CDKAL1: variants seen among roughly 807,000 people sequenced by gnomAD.
CDKAL1 encodes CDKAL1 threonylcarbamoyladenosine tRNA methylthiotransferase.
CDKAL1 carries 32 observed loss-of-function variants against 68.2 expected under a neutral mutation model. That is an observed-to-expected ratio of 0.47 (90% CI 0.35 to 0.63). CDKAL1 has a LOEUF of 0.63. Ranked by LOEUF, CDKAL1 falls within the 30% of genes least tolerant of loss-of-function variation. The pLI is 0.00. For missense variants in CDKAL1, 606 were observed against 696.7 expected (o/e 0.87, Z 1.47); for synonymous variants, 234 against 244.3 (o/e 0.96, Z 0.39).
chr6:21,207,925 G>C (rs1779001656), intron 15 of CDKAL1, among the ~76,000 whole-genome samples: 1 of 152,080 alleles, frequency 6.6e-6, no homozygotes, highest in Non-Finnish European at 1.5e-5. Context: ...TCCTCCATGA[G>C]AATGACAAAT....
chr6:21,098,838 G>A (rs1773445836), intron 12 of CDKAL1, among the ~76,000 whole-genome samples: 1 of 152,120 alleles, frequency 6.6e-6, no homozygotes, highest in Non-Finnish European at 1.5e-5. Flanking sequence ...GCAAGATGTA[G>A]AGTCAGAAAA....
chr6:20,676,642 G>A lies in CDKAL1; in HGVS notation c.371+27265G>A, dbSNP rs1770116548. Among the ~76,000 whole-genome samples, 3 of 150,792 alleles carry A rather than the reference G, an allele frequency of 2.0e-5. No homozygotes were observed. In the South Asian group the frequency reaches 6.3e-4, roughly 32 times the overall value. On this transcript the variant is annotated intron_variant, in intron 5 of 15. Transcript: ENST00000274695. ...AGATTGCGCCACTGCACTCCAGCCTGGGTGACAGAGCGAGACTCTGTCTTA... is the reference window on the plus strand; with the variant it reads ...AGATTGCGCCACTGCACTCCAGCCTAGGTGACAGAGCGAGACTCTGTCTTA...
intron 5 of CDKAL1, chr6:20,722,551 G>A: frequency 3.2e-6 from 1 of 316,964 alleles, no homozygotes; most frequent in Non-Finnish European, 6.0e-6. Flanking sequence ...TGCTTACCCT[G>A]GGCACACATA....
At chr6:20,896,935 T>A (rs1761719309) in intron 9 of CDKAL1, among the ~76,000 whole-genome samples, 1 of 152,208 alleles carries the variant, frequency 6.6e-6, no homozygotes, top group Admixed American at 6.5e-5. Flanking sequence ...CAGAAATTAT[T>A]TTCTACTTGG....
chr6:21,009,496 C>T (rs1171282565), intron 11 of CDKAL1, among the ~76,000 whole-genome samples: 1 of 152,144 alleles, frequency 6.6e-6, no homozygotes, highest in Non-Finnish European at 1.5e-5. Flanking sequence ...AGCAGTCCCA[C>T]TACTAGCTGT....
At chr6:20,642,977 T>G (rs1768259864) in intron 4 of CDKAL1, among the ~76,000 whole-genome samples, 1 of 152,106 alleles carries the variant, frequency 6.6e-6, no homozygotes. Flanking sequence ...GAAATCTAGA[T>G]TCCATCTGTC....
At chr6:21,211,608 A>G (rs182538653) in intron 15 of CDKAL1, among the ~76,000 whole-genome samples, 23 of 152,298 alleles carry the variant, frequency 1.5e-4, no homozygotes, top group Non-Finnish European at 2.8e-4. Flanking sequence ...GGAGTGGCAC[A>G]TGGTATTTGT....
At position 21,011,007 on chromosome 6, in the gene CDKAL1, G is replaced by A. The variant is rs569599086; in HGVS notation, c.1055+10635G>A. Among the ~76,000 whole-genome samples, 21 of 150,338 alleles carry A rather than the reference G, an allele frequency of 1.4e-4. No individual in the cohort carries two copies. The East Asian group carries it at 3.4e-3, about 24-fold the overall frequency. On this transcript the variant is annotated intron_variant, in intron 11 of 15. Coordinates refer to ENST00000274695, the MANE Select transcript of CDKAL1 (RefSeq NM_017774.3). The stretch of plus-strand genomic sequence containing the variant: ...TGAGGCAGGAGAATGGTGTGAACCC[G>A]GGAGGTGGAGCTTGCAGTTAGCCGA...
intron 4 of CDKAL1, among the ~76,000 whole-genome samples, chr6:20,604,342 T>C (rs373730251): frequency 1.3e-5 from 2 of 152,168 alleles, no homozygotes; most frequent in African/African-American, 4.8e-5. Flanking sequence ...GAGTCCAACA[T>C]TGAGTCCCTG....
At chr6:21,164,089 C>T (rs1777040992) in intron 13 of CDKAL1, among the ~76,000 whole-genome samples, 1 of 152,016 alleles carries the variant, frequency 6.6e-6, no homozygotes, top group African/African-American at 2.4e-5. Flanking sequence ...CTACTAAATG[C>T]TGGTCCAGGA....
intron 8 of CDKAL1, among the ~76,000 whole-genome samples, chr6:20,795,752 A>G (rs978844701): frequency 6.6e-6 from 1 of 152,232 alleles, no homozygotes; most frequent in Non-Finnish European, 1.5e-5. Flanking sequence ...CAAAAAGTAT[A>G]TAATAGATTT....
chr6:20,862,635 TTGTGTG>T (rs56736298), intron 9 of CDKAL1, among the ~76,000 whole-genome samples: 3,746 of 149,194 alleles, frequency 0.025, 117 homozygotes, highest in African/African-American at 0.077. Flanking sequence ...TCTTTCCAAC[TTGTGTG>T]TGTGTGTGTG....
At chr6:20,837,350 C>T (rs1777991025) in intron 8 of CDKAL1, among the ~76,000 whole-genome samples, 1 of 151,562 alleles carries the variant, frequency 6.6e-6, no homozygotes, top group Non-Finnish European at 1.5e-5. Context: ...ACCTTTTATC[C>T]CAGGCGCCAA....
chr6:21,118,773 C>T (rs1031869643), intron 13 of CDKAL1, among the ~76,000 whole-genome samples: 2 of 152,180 alleles, frequency 1.3e-5, no homozygotes, highest in Non-Finnish European at 2.9e-5. Flanking sequence ...TTTAAATGCA[C>T]ATGTCTCAAA....
At chr6:20,563,492 T>G (rs1764345959) in intron 4 of CDKAL1, among the ~76,000 whole-genome samples, 1 of 152,148 alleles carries the variant, frequency 6.6e-6, no homozygotes, top group African/African-American at 2.4e-5. Flanking sequence ...AAACAAGGGC[T>G]TTTAAAAATA....
At chr6:20,725,533 C>T (rs1477768467) in intron 5 of CDKAL1, among the ~76,000 whole-genome samples, 1 of 152,166 alleles carries the variant, frequency 6.6e-6, no homozygotes, top group African/African-American at 2.4e-5. Flanking sequence ...GCCTGTAATC[C>T]CAGCACTGTG....
At chr6:21,136,965 C>G (rs1220047996) in intron 13 of CDKAL1, among the ~76,000 whole-genome samples, 2 of 152,140 alleles carry the variant, frequency 1.3e-5, no homozygotes, top group Non-Finnish European at 2.9e-5. Flanking sequence ...TCTGCTCTTC[C>G]CAAAGGCCTC....
At chr6:21,154,362 C>G (rs1227328438) in intron 13 of CDKAL1, among the ~76,000 whole-genome samples, 1 of 152,150 alleles carries the variant, frequency 6.6e-6, no homozygotes, top group Non-Finnish European at 1.5e-5. Flanking sequence ...CTTCATCTCT[C>G]CCTTAAATGG....
At chr6:20,612,990 TA>T in intron 4 of CDKAL1, among the ~76,000 whole-genome samples, 1 of 130,056 alleles carries the variant, frequency 7.7e-6, no homozygotes, top group East Asian at 2.2e-4. Flanking sequence ...TTGCAATTTC[TA>T]CACACACACA....
Sources: allele counts gnomAD v4.1 joint callset (sites outside exome capture counted in the v4.1 genomes callset), GRCh38; gene constraint gnomAD v4.1.1; transcripts MANE v1.5; gene names NCBI Gene and HGNC (gene_info 2026-07-23, HGNC 2026-07-21).